The following CD96 variants were observed in gnomAD, a reference collection of about 807,000 sequenced individuals.
The protein encoded by CD96 is T-cell surface protein tactile.
CD96 carries 70 observed loss-of-function variants against 71.3 expected under a neutral mutation model. The observed-to-expected ratio is 0.98, with a 90% confidence interval of 0.81 to 1.20. The LOEUF is 1.20. Ranked by LOEUF, CD96 falls within the 50% of genes most tolerant of loss-of-function variation. The probability of loss-of-function intolerance (pLI) is 0.00; values close to 1 mark genes in which losing one functional copy is unlikely to be tolerated. For synonymous variants in CD96, 248 were observed against 233.0 expected, an observed-to-expected ratio of 1.06 and a Z score of -0.59; for missense variants, 742 against 677.5, an observed-to-expected ratio of 1.10 and a Z score of -1.06.
intron 10 of CD96, among the ~76,000 whole-genome samples, chr3:111,628,200 C>A (rs1938873997): frequency 6.6e-6 from 1 of 152,152 alleles, no homozygotes. Context: ...ACAGAAGTAG[C>A]CTTCAGAATA....
At chr3:111,597,283 C>A (rs1378609432) in intron 5 of CD96, among the ~76,000 whole-genome samples, 1 of 152,156 alleles carries the variant, frequency 6.6e-6, no homozygotes, top group African/African-American at 2.4e-5. Context: ...ATAATTCTCA[C>A]TGGATATTTT....
At chr3:111,626,126 C>T (rs921951584) in intron 10 of CD96, among the ~76,000 whole-genome samples, 6 of 151,440 alleles carry the variant, frequency 4.0e-5, no homozygotes, top group Non-Finnish European at 8.8e-5. Flanking sequence ...ACAGTGAAGC[C>T]CCATCTCTAC....
intron 14 of CD96, among the ~76,000 whole-genome samples, chr3:111,657,926 G>T (rs753516080): frequency 5.9e-5 from 9 of 152,180 alleles, no homozygotes; most frequent in Non-Finnish European, 8.8e-5. Context: ...GCTTGAGCAT[G>T]CATATGTGTT....
At chr3:111,618,152 T>C (rs1311269645) in intron 8 of CD96, among the ~76,000 whole-genome samples, 1 of 152,218 alleles carries the variant, frequency 6.6e-6, no homozygotes, top group South Asian at 2.1e-4. Flanking sequence ...CTTGCTGCTC[T>C]GCACCTGGCT....
rs1372126372 is a variant in CD96 at position 111,623,835 on chromosome 3, A to G, written c.1249+13A>G. 3.8e-6 allele frequency: 6 copies of G among 1,565,894 alleles called. No individual in the cohort carries two copies. The highest frequency in any genetic ancestry group is 5.3e-6 in the Non-Finnish European group (6 of 1,136,062). The stretch of plus-strand genomic sequence containing the variant: ...ACCACTCCTCAACGTGAGTTCAGCA[A>G]AGTTTTCCTACATGATTGGAAAGAG... On this transcript the variant is annotated intron_variant, in intron 9 of 13. Transcript: ENST00000352690.
intron 12 of CD96, 79 bp downstream of exon 12, chr3:111,638,247 A>C (rs1939432408): frequency 1.3e-5 from 12 of 899,384 alleles, no homozygotes; most frequent in Middle Eastern, 2.2e-4. Context: ...GCCATTTGCC[A>C]GGCATTATGC....
Position 111,600,776 on chromosome 3 carries a change from C to T in CD96, c.949C>T (p.Leu317=), listed in dbSNP as rs1381812087. The change falls in exon 7 of 14, where the codon CTG becomes TTG. Residue 317 remains leucine (L), a synonymous_variant. Coordinates refer to ENST00000352690, the MANE Select transcript of CD96 (RefSeq NM_005816.5). The stretch of plus-strand genomic sequence containing the variant: ...AAAAGGCAAAGATGGATTTTTGGAA[C>T]TGAAGTCTGTTTTAACAAGGGTACA... ...ERKGKDGFLE[L]KSVLTRVHSN... 6 of 1,613,516 alleles carry T rather than the reference C, an allele frequency of 3.7e-6. No individual in the cohort carries two copies. The South Asian group carries it at 4.4e-5, about 12-fold the overall frequency.
chr3:111,558,095 G>A (rs1249826026), intron 2 of CD96, among the ~76,000 whole-genome samples: 1 of 146,466 alleles, frequency 6.8e-6, no homozygotes, highest in Non-Finnish European at 1.5e-5. Flanking sequence ...ATCAGCTTAA[G>A]GAGATTTTGG....
At chr3:111,562,949 A>G (rs537804219) in intron 2 of CD96, among the ~76,000 whole-genome samples, 1 of 152,228 alleles carries the variant, frequency 6.6e-6, no homozygotes, top group Non-Finnish European at 1.5e-5. Context: ...GAAAGGATAG[A>G]CATTTATCTT....
intron 8 of CD96, among the ~76,000 whole-genome samples, chr3:111,617,271 C>G (rs1296610539): frequency 6.6e-6 from 1 of 152,050 alleles, no homozygotes; most frequent in African/African-American, 2.4e-5. Flanking sequence ...AGTGAAACCC[C>G]ACCTTCAGGC....
chr3:111,577,141 A>G (rs1936255149), intron 3 of CD96, among the ~76,000 whole-genome samples: 1 of 152,206 alleles, frequency 6.6e-6, no homozygotes, highest in Non-Finnish European at 1.5e-5. Context: ...CTATATAATA[A>G]AGAAAAAAGC....
In CD96 at chr3:111,545,336, T is replaced by G. The variant is rs1576295006; in HGVS notation, c.352T>G (p.Cys118Gly). ...TTGTTCAGTCAGTGGAAGGTACGAGTGTATGCTTGTTCTGTATCCAGAGGG... is the reference window on the plus strand; with the variant it reads ...TTGTTCAGTCAGTGGAAGGTACGAGGGTATGCTTGTTCTGTATCCAGAGGG... ...MSCSVSGRYE[C>G]MLVLYPEGIQ... The change falls in exon 2 of 14, where the codon TGT becomes GGT. Residue 118 changes from cysteine (C) to glycine (G), a missense_variant. Physicochemically the swap from Cys to Gly is radical, Grantham distance 159. Coordinates refer to ENST00000352690, the MANE Select transcript of CD96 (RefSeq NM_005816.5). The G allele has an allele frequency of 1.2e-6, 2 of 1,613,924 alleles. No individual in the cohort carries two copies. The highest frequency in any genetic ancestry group is 2.2e-5 in the East Asian group (1 of 44,884).
intron 2 of CD96, among the ~76,000 whole-genome samples, chr3:111,563,571 A>G (rs910874217): frequency 6.6e-5 from 10 of 152,044 alleles, no homozygotes; most frequent in African/African-American, 2.2e-4. Context: ...GTCAATTTCC[A>G]CGGCCCTAAA....
rs148525569 is a variant in CD96, at chr3:111,649,767, C to T, written c.1671C>T (p.Asn557=). The T allele has an allele frequency of 4.7e-4, 756 of 1,613,544 alleles. 1 individual carries two copies. In the African/African-American group the frequency reaches 6.5e-3, roughly 14 times the overall value. Residue 557 remains asparagine, a synonymous_variant, in exon 14 of 14, where the codon AAC becomes AAT. Coordinates refer to ENST00000352690, the MANE Select transcript of CD96 (RefSeq NM_005816.5). Reference sequence around the variant, plus strand: ...AGTACACTTGCATTCAAGAGCCCAACGAAAGTGATCTGCCTTATCATGAGA... The same window carrying T: ...AGTACACTTGCATTCAAGAGCCCAATGAAAGTGATCTGCCTTATCATGAGA... ...PIKYTCIQEP[N]ESDLPYHEME... is the part of the protein sequence containing the mutation.
intron 2 of CD96, among the ~76,000 whole-genome samples, chr3:111,562,106 T>A (rs1034681330): frequency 6.6e-6 from 1 of 152,244 alleles, no homozygotes; most frequent in Non-Finnish European, 1.5e-5. Context: ...GCGCCCACTG[T>A]CTGGCGCTCC....
intron 3 of CD96, among the ~76,000 whole-genome samples, chr3:111,569,418 G>A (rs1935871495): frequency 6.6e-6 from 1 of 152,166 alleles, no homozygotes; most frequent in African/African-American, 2.4e-5. Flanking sequence ...CCTATCATTA[G>A]GATGAGTATA....
At chr3:111,654,955 G>T (rs1270881717), downstream of CD96, among the ~76,000 whole-genome samples, 2 of 152,246 alleles carry the variant, frequency 1.3e-5, no homozygotes, top group Non-Finnish European at 2.9e-5. Context: ...TGAGAGCCAT[G>T]TATAAGAGTT....
Position 111,650,034 on chromosome 3 carries a change from G to A in CD96, c.*228G>A, listed in dbSNP as rs1940008102. ...GTCATGTTCACACTCAATGCAATTC[G>A]TAGTGGTTTTCTTGCTTATGTAAGA... On this transcript the variant is annotated 3_prime_UTR_variant, in exon 14 of 14. Transcript: ENST00000352690. 3 of 538,626 alleles carry A rather than the reference G, an allele frequency of 5.6e-6. No individual in the cohort carries two copies. The highest frequency in any genetic ancestry group is 2.0e-5 in the South Asian group (1 of 49,370). 33.4% of individuals were successfully genotyped at this position (538,626 alleles called of 1,614,324 possible).
At chr3:111,595,979 T>C (rs936466058) in intron 5 of CD96, among the ~76,000 whole-genome samples, 4 of 151,738 alleles carry the variant, frequency 2.6e-5, no homozygotes, top group African/African-American at 7.3e-5. Context: ...TTGGCCAACA[T>C]TGTGAAACCC....
Sources: allele counts gnomAD v4.1 joint callset (sites outside exome capture counted in the v4.1 genomes callset), GRCh38; gene constraint gnomAD v4.1.1; transcripts MANE v1.5; gene names NCBI Gene and HGNC (gene_info 2026-07-23, HGNC 2026-07-21).